The following NBAS variants were observed in gnomAD, a reference collection of about 807,000 sequenced individuals.
NBAS encodes the protein NBAS subunit of NRZ tethering complex.
In NBAS, 219 loss-of-function variants were observed where a neutral mutation model predicts 302.5. The observed-to-expected ratio is 0.72, with a 90% CI of 0.65 to 0.81. The LOEUF (loss-of-function observed/expected upper bound fraction) is 0.81. Among genes scored for constraint, NBAS ranks in the 30% least tolerant of loss-of-function variants. The probability of loss-of-function intolerance (pLI) is 0.00; values close to 1 mark genes in which losing one functional copy is unlikely to be tolerated. For synonymous variants in NBAS, 1,118 were observed against 1,021.6 expected (o/e 1.09, Z -1.80); for missense variants, 2,932 against 2,841.6 (o/e 1.03, Z -0.72).
At chr2:15,393,161 G>A (rs1572773207) in intron 28 of NBAS, among the ~76,000 whole-genome samples, 1 of 151,900 alleles carries the variant, frequency 6.6e-6, no homozygotes, top group Admixed American at 6.6e-5. Flanking sequence ...ACAAAGGGGG[G>A]AGAAAAACAT....
chr2:15,547,053 C>A (rs539699621), intron 6 of NBAS, among the ~76,000 whole-genome samples: 1 of 152,202 alleles, frequency 6.6e-6, no homozygotes, highest in East Asian at 1.9e-4. Flanking sequence ...ACTCTAATTT[C>A]GTGTGCTATT....
intron 42 of NBAS, among the ~76,000 whole-genome samples, chr2:15,284,754 G>C (rs1225668206): frequency 6.6e-6 from 1 of 152,198 alleles, no homozygotes; most frequent in Admixed American, 6.5e-5. Context: ...AGATTAAATA[G>C]TAAAGCAAAC....
the NBAS span, among the ~76,000 whole-genome samples, chr2:14,796,544 A>C: frequency 3.3e-5 from 5 of 152,074 alleles, no homozygotes; most frequent in Non-Finnish European, 7.3e-5. Context: ...GAGTTTTGTC[A>C]GATTTATCCT....
Position 15,475,795 on chromosome 2 carries a change from A to G in NBAS, c.1233T>C (p.Thr411=), listed in dbSNP as rs1296405319. 1.2e-6 allele frequency: 2 copies of G among 1,614,144 alleles called. No homozygotes were observed. Among genetic ancestry groups the G allele is most frequent in the Non-Finnish European group, 1.7e-6 (2 of 1,179,990 alleles). The part of the protein sequence containing the change: ...VTLARCSGAL[T]VSSVKTLKNL... ...TCTTCAAAGTTTTCACAGATGAAAC[A>G]GTTAAAGCACCAGAGCATCGAGCTA... The change falls in exon 14 of 52, where the codon ACT becomes ACC. Residue 411 remains threonine (T), a synonymous_variant. Coordinates refer to ENST00000281513, the MANE Select transcript of NBAS (RefSeq NM_015909.4).
intron 50 of NBAS, among the ~76,000 whole-genome samples, chr2:15,183,366 G>A (rs1419520365): frequency 6.6e-6 from 1 of 152,192 alleles, no homozygotes; most frequent in Non-Finnish European, 1.5e-5. Flanking sequence ...GAAAGTCACG[G>A]TGACAACAGA....
intron 47 of NBAS, among the ~76,000 whole-genome samples, chr2:15,231,161 G>T (rs998399097): frequency 6.6e-6 from 1 of 152,220 alleles, no homozygotes; most frequent in Non-Finnish European, 1.5e-5. Context: ...GCATGGCACA[G>T]AGTAAACCCC....
At chr2:14,779,088 G>A in the NBAS span, among the ~76,000 whole-genome samples, 1 of 152,194 alleles carries the variant, frequency 6.6e-6, no homozygotes, top group African/African-American at 2.4e-5. Flanking sequence ...CTCTTGCAGA[G>A]TTCAGGTAAT....
chr2:15,444,788 G>C (rs1343287979), intron 21 of NBAS, among the ~76,000 whole-genome samples: 1 of 151,902 alleles, frequency 6.6e-6, no homozygotes, highest in Non-Finnish European at 1.5e-5. Context: ...AATCTACAAT[G>C]AACTCAAACA....
At chr2:15,223,897 G>A (rs749262576) in intron 47 of NBAS, among the ~76,000 whole-genome samples, 3 of 151,856 alleles carry the variant, frequency 2.0e-5, no homozygotes, top group East Asian at 1.9e-4. Flanking sequence ...CTACAAACAC[G>A]TAGGGAATTG....
intron 11 of NBAS, 125 bp downstream of exon 11, chr2:15,504,020 T>C: frequency 7.9e-6 from 6 of 756,850 alleles, no homozygotes; most frequent in South Asian, 1.4e-5. Context: ...TATAGCCACA[T>C]AGTGTATATG....
chr2:15,113,869 C>A, the NBAS span, among the ~76,000 whole-genome samples: 1 of 151,956 alleles, frequency 6.6e-6, no homozygotes, highest in East Asian at 1.9e-4. Context: ...AAATCAAAAA[C>A]CACCATTTTA....
At chr2:15,530,903 C>A (rs1663183954) in intron 9 of NBAS, among the ~76,000 whole-genome samples, 1 of 151,732 alleles carries the variant, frequency 6.6e-6, no homozygotes. Flanking sequence ...AAAAGAAAAT[C>A]TTAGATCTCA....
At chr2:15,238,834 G>T in intron 44 of NBAS, 148 bp from the exon 45 acceptor site, 3 of 674,498 alleles carry the variant, frequency 4.4e-6, no homozygotes, top group Non-Finnish European at 7.1e-6. Flanking sequence ...TTTTTCTTCT[G>T]TGAAGAAAAC....
chr2:15,118,546 C>T, the NBAS span, among the ~76,000 whole-genome samples: 4 of 152,316 alleles, frequency 2.6e-5, no homozygotes, highest in East Asian at 5.8e-4. Context: ...CAGTGCCAGG[C>T]CTCAGTCTCA....
rs183115515 is a variant in NBAS, at chr2:15,452,218, T to A, written c.2339+8983A>T. Reference sequence around the variant, plus strand: ...GTGAATGTACTTAACAATGTTGAACTGTACACTTAAAAATAGTTAAGATGG... The same window carrying A: ...GTGAATGTACTTAACAATGTTGAACAGTACACTTAAAAATAGTTAAGATGG... On this transcript the variant is annotated intron_variant, in intron 21 of 51. Coordinates refer to ENST00000281513, the MANE Select transcript of NBAS (RefSeq NM_015909.4). Among the ~76,000 whole-genome samples, 26 of 152,330 alleles carry A rather than the reference T, an allele frequency of 1.7e-4. No homozygotes were observed. The East Asian group carries it at 4.8e-3, about 28-fold the overall frequency.
At chr2:14,960,639 T>C in the NBAS span, among the ~76,000 whole-genome samples, 5 of 152,322 alleles carry the variant, frequency 3.3e-5, no homozygotes, top group East Asian at 9.7e-4. Flanking sequence ...TTGACTCTCA[T>C]GTTGAATAAA....
At chr2:15,354,231 T>A (rs2148305743) in intron 33 of NBAS, among the ~76,000 whole-genome samples, 1 of 152,340 alleles carries the variant, frequency 6.6e-6, no homozygotes, top group African/African-American at 2.4e-5. Flanking sequence ...ATGATAGATC[T>A]CCATACAGAA....
At chr2:15,416,162 T>C (rs1364584814) in intron 24 of NBAS, among the ~76,000 whole-genome samples, 1 of 139,072 alleles carries the variant, frequency 7.2e-6, no homozygotes. Context: ...CAACAAAGAG[T>C]GAATAAAAAA....
the NBAS span, among the ~76,000 whole-genome samples, chr2:14,909,128 C>T: frequency 1.4e-4 from 21 of 151,808 alleles, no homozygotes; most frequent in Non-Finnish European, 2.8e-4. Context: ...GTCAGGAGAT[C>T]GAGACCACGG....
Sources: allele counts gnomAD v4.1 joint callset (sites outside exome capture counted in the v4.1 genomes callset), GRCh38; gene constraint gnomAD v4.1.1; transcripts MANE v1.5; gene names NCBI Gene and HGNC (gene_info 2026-07-23, HGNC 2026-07-21).